Variants in RUNX2 observed in about 807,000 individuals in gnomAD.
RUNX2 encodes runt-related transcription factor 2.
RUNX2 carries 10 observed loss-of-function variants against 51.7 expected under a neutral mutation model. That is an observed-to-expected ratio of 0.19 (90% CI 0.12 to 0.33). RUNX2 has a LOEUF of 0.33. Ranked by LOEUF, RUNX2 falls within the 10% of genes least tolerant of loss-of-function variation. The probability of loss-of-function intolerance (pLI) is 1.00; values close to 1 mark genes in which losing one functional copy is unlikely to be tolerated. For synonymous variants in RUNX2, 276 were observed against 273.6 expected (o/e 1.01, Z -0.09); for missense variants, 562 against 691.3 (o/e 0.81, Z 2.10).
At chr6:45,531,808 G>T (rs773000931) in intron 7 of RUNX2, among the ~76,000 whole-genome samples, 2 of 151,904 alleles carry the variant, frequency 1.3e-5, no homozygotes, top group African/African-American at 4.8e-5. Context: ...GAAATTTAAA[G>T]CTACTTAAAT....
chr6:45,441,256 G>C (rs1003805460), intron 5 of RUNX2, among the ~76,000 whole-genome samples: 1 of 152,130 alleles, frequency 6.6e-6, no homozygotes, highest in Non-Finnish European at 1.5e-5. Flanking sequence ...CTAAAGATCT[G>C]AATATATATT....
chr6:45,483,590 TAGTA>T (rs1159349341), intron 5 of RUNX2, among the ~76,000 whole-genome samples: 10 of 152,218 alleles, frequency 6.6e-5, no homozygotes, highest in African/African-American at 2.2e-4. Context: ...TGTCAATTCA[TAGTA>T]AGTGAATGCT....
intron 5 of RUNX2, among the ~76,000 whole-genome samples, chr6:45,463,857 A>G (rs1001828888): frequency 2.6e-5 from 4 of 152,170 alleles, no homozygotes; most frequent in African/African-American, 9.7e-5. Flanking sequence ...TAATTTGACA[A>G]TGAGTTGGAC....
intron 2 of RUNX2, among the ~76,000 whole-genome samples, chr6:45,384,249 G>A (rs1453683420): frequency 2.6e-5 from 4 of 151,990 alleles, no homozygotes; most frequent in Non-Finnish European, 4.4e-5. Context: ...TGTTTTCCAG[G>A]GGTGGGGGGA....
At chr6:45,428,469 C>A (rs547274909) in intron 3 of RUNX2, among the ~76,000 whole-genome samples, 14 of 152,110 alleles carry the variant, frequency 9.2e-5, no homozygotes, top group African/African-American at 1.9e-4. Context: ...AGAAAAAAAA[C>A]CAATATATTT....
chr6:45,485,669 A>ATGTGTGTG (rs1229585406), intron 5 of RUNX2, among the ~76,000 whole-genome samples: 3 of 119,314 alleles, frequency 2.5e-5, no homozygotes, highest in Admixed American at 9.0e-5. Flanking sequence ...GTGCATGGAT[A>ATGTGTGTG]TGTATGTGTG....
intron 3 of RUNX2, among the ~76,000 whole-genome samples, chr6:45,423,976 T>C (rs1421494865): frequency 6.6e-6 from 1 of 152,116 alleles, no homozygotes; most frequent in East Asian, 1.9e-4. Flanking sequence ...GGAGGTGAAA[T>C]TTTGTATTTT....
At chr6:45,480,610 T>C (rs1481940428) in intron 5 of RUNX2, among the ~76,000 whole-genome samples, 1 of 152,230 alleles carries the variant, frequency 6.6e-6, no homozygotes, top group Non-Finnish European at 1.5e-5. Context: ...CACTGACATG[T>C]GCCTATGCAC....
At chr6:45,526,419 C>T (rs1338452125) in intron 7 of RUNX2, among the ~76,000 whole-genome samples, 1 of 152,062 alleles carries the variant, frequency 6.6e-6, no homozygotes, top group Non-Finnish European at 1.5e-5. Context: ...AAATGAGAAC[C>T]TTATAAGCTA....
intron 2 of RUNX2, 106 bp downstream of exon 2, chr6:45,328,890 C>G: frequency 8.8e-7 from 1 of 1,130,058 alleles, no homozygotes. Context: ...ATTAAAGATC[C>G]TAATTATGCT....
In RUNX2 at chr6:45,328,444, C is replaced by T. The variant is rs375345686; in HGVS notation, c.-83C>T. 4.2e-5 allele frequency: 62 copies of T among 1,460,270 alleles called. No homozygotes were observed. Among genetic ancestry groups the T allele is most frequent in the East Asian group, 1.6e-4 (5 of 30,664 alleles). 90.5% of individuals were successfully genotyped at this position (1,460,270 alleles called of 1,614,324 possible). Reference sequence around the variant, plus strand: ...ATCTCCGCAGGTCACTACCAGCCACCGAGACCAACAGAGTCAGTGAGTGCT... The same window carrying T: ...ATCTCCGCAGGTCACTACCAGCCACTGAGACCAACAGAGTCAGTGAGTGCT... On this transcript the variant is annotated 5_prime_UTR_variant, in exon 1 of 9. Transcript: ENST00000647337.
Position 45,548,877 on chromosome 6 carries a change from A to G in RUNX2, c.*1572A>G, listed in dbSNP as rs1436253761. The G allele has an allele frequency of 3.0e-6, 1 of 337,644 alleles. No homozygotes were observed. The highest frequency in any genetic ancestry group is 4.5e-5 in the East Asian group (1 of 22,362). 20.9% of individuals were successfully genotyped at this position (337,644 alleles called of 1,614,324 possible). ...ACTGGCAGCTTTCCACAGAATTTGCATTTAGAGGAGCAGAATGACATCACT... is the reference window on the plus strand; with the variant it reads ...ACTGGCAGCTTTCCACAGAATTTGCGTTTAGAGGAGCAGAATGACATCACT... On this transcript the variant is annotated 3_prime_UTR_variant, in exon 9 of 9. Transcript: ENST00000647337.
chr6:45,423,222 C>T (rs1167148123), intron 3 of RUNX2, among the ~76,000 whole-genome samples: 1 of 152,142 alleles, frequency 6.6e-6, no homozygotes, highest in African/African-American at 2.4e-5. Flanking sequence ...GTTCAGCACT[C>T]CTCATGCCTC....
At chr6:45,386,772 G>A (rs1797356854) in intron 2 of RUNX2, among the ~76,000 whole-genome samples, 2 of 152,192 alleles carry the variant, frequency 1.3e-5, no homozygotes, top group Non-Finnish European at 2.9e-5. Context: ...GTGTGTTGGA[G>A]GAAACTGCCA....
intron 2 of RUNX2, among the ~76,000 whole-genome samples, chr6:45,336,674 T>C (rs1788622511): frequency 6.6e-6 from 1 of 151,452 alleles, no homozygotes; most frequent in Admixed American, 6.6e-5. Context: ...AATTAAATCC[T>C]GTGCTCCAAG....
At chr6:45,419,043 A>G (rs551867962) in intron 2 of RUNX2, among the ~76,000 whole-genome samples, 1 of 152,336 alleles carries the variant, frequency 6.6e-6, no homozygotes, top group South Asian at 2.1e-4. Flanking sequence ...CTATCCACCA[A>G]ATAAAACAAA....
intron 2 of RUNX2, among the ~76,000 whole-genome samples, chr6:45,405,874 A>G (rs1189938471): frequency 6.6e-6 from 1 of 152,114 alleles, no homozygotes; most frequent in Admixed American, 6.5e-5. Context: ...CACATCTAGC[A>G]TTACGATTTA....
intron 2 of RUNX2, among the ~76,000 whole-genome samples, chr6:45,417,266 C>A (rs544237235): frequency 6.6e-6 from 1 of 152,264 alleles, no homozygotes; most frequent in African/African-American, 2.4e-5. Flanking sequence ...TATGTTCAGA[C>A]TACATGAGAG....
intron 2 of RUNX2, among the ~76,000 whole-genome samples, chr6:45,395,774 C>T (rs1053296600): frequency 1.2e-4 from 18 of 152,200 alleles, no homozygotes; most frequent in African/African-American, 4.1e-4. Flanking sequence ...TTCAAGCAAT[C>T]ATGCCTCAGC....
Sources: gnomAD v4.1 joint callset for allele counts (sites outside exome capture counted in the v4.1 genomes callset) on GRCh38, gnomAD v4.1.1 for gene constraint, MANE v1.5 for transcripts, NCBI Gene and HGNC (gene_info 2026-07-23, HGNC 2026-07-21) for gene names.